Variants in IL1RAPL2 observed in about 807,000 individuals in gnomAD.
IL1RAPL2 encodes the protein interleukin 1 receptor accessory protein like 2, also known as X-linked interleukin-1 receptor accessory protein-like 2.
IL1RAPL2 carries 3 observed loss-of-function variants against 44.1 expected under a neutral mutation model. The ratio of observed to expected loss-of-function variants is 0.07; its 90% CI spans 0.03 to 0.18. The LOEUF (loss-of-function observed/expected upper bound fraction) is 0.18, where lower values mean the gene tolerates loss of function less well. IL1RAPL2 is among the 10% of genes least tolerant of loss of function. The pLI is 1.00. For missense variants in IL1RAPL2, 391 were observed against 496.4 expected (o/e 0.79, Z 2.02); for synonymous variants, 181 against 178.8 (o/e 1.01, Z -0.10).
intron 6 of IL1RAPL2, among the ~76,000 whole-genome samples, chrX:105,547,111 A>G (rs754668198): frequency 7.1e-5 from 8 of 112,453 alleles, no homozygotes; most frequent in Non-Finnish European, 1.1e-4. Flanking sequence ...AGAACAGGCC[A>G]TGAGGCAGAT....
chrX:105,183,759 A>G (rs1384835294), intron 2 of IL1RAPL2, among the ~76,000 whole-genome samples: 1 of 111,654 alleles, frequency 9.0e-6, no homozygotes, highest in Non-Finnish European at 1.9e-5. Flanking sequence ...CCACACTGCC[A>G]GGCCCAGCTG....
intron 2 of IL1RAPL2, among the ~76,000 whole-genome samples, chrX:104,743,312 T>C (rs1398754657): frequency 1.2e-5 from 1 of 84,143 alleles, no homozygotes; most frequent in Non-Finnish European, 2.2e-5. Context: ...TGATTTTGGT[T>C]TCAAACTATT....
chrX:104,805,994 T>TA (rs1211852547), intron 2 of IL1RAPL2, among the ~76,000 whole-genome samples: 2 of 111,883 alleles, frequency 1.8e-5, no homozygotes, highest in Admixed American at 1.9e-4. Context: ...AGGGAGTTTT[T>TA]AAAAAATAGT....
chrX:105,668,895 T>C (rs988201187), intron 6 of IL1RAPL2, among the ~76,000 whole-genome samples: 2 of 111,613 alleles, frequency 1.8e-5, no homozygotes, highest in African/African-American at 6.5e-5. Flanking sequence ...AAGGATCATC[T>C]ACAGAACCAG....
At chrX:105,351,042 T>A (rs1247379003) in intron 5 of IL1RAPL2, among the ~76,000 whole-genome samples, 1 of 111,856 alleles carries the variant, frequency 8.9e-6, no homozygotes, top group African/African-American at 3.3e-5. Context: ...TCACTGGTCA[T>A]TAGAGAAATG....
At chrX:104,658,533 G>T (rs1291811359) in intron 1 of IL1RAPL2, among the ~76,000 whole-genome samples, 1 of 112,471 alleles carries the variant, frequency 8.9e-6, no homozygotes, top group African/African-American at 3.2e-5. Flanking sequence ...GTTAATGGAT[G>T]CAGCAAACCA....
At chrX:104,836,061 A>G (rs1398741450) in intron 2 of IL1RAPL2, among the ~76,000 whole-genome samples, 1 of 112,070 alleles carries the variant, frequency 8.9e-6, no homozygotes, top group Non-Finnish European at 1.9e-5. Flanking sequence ...CATGTGCACA[A>G]TGGAGTGCTA....
intron 1 of IL1RAPL2, among the ~76,000 whole-genome samples, chrX:104,643,886 A>T (rs983655797): frequency 3.6e-5 from 4 of 111,497 alleles, no homozygotes; most frequent in Admixed American, 9.5e-5. Flanking sequence ...TAGCTCACTA[A>T]GCCTCCGTTT....
chrX:105,158,105 G>T (rs1476841603), intron 2 of IL1RAPL2, among the ~76,000 whole-genome samples: 5 of 111,685 alleles, frequency 4.5e-5, no homozygotes, highest in African/African-American at 1.6e-4. Flanking sequence ...ACTCTGGGAG[G>T]CTGAGGCGGG....
chrX:104,885,476 C>G (rs1265352344), intron 2 of IL1RAPL2, among the ~76,000 whole-genome samples: 1 of 111,896 alleles, frequency 8.9e-6, no homozygotes, highest in African/African-American at 3.3e-5. Flanking sequence ...AATATACTCC[C>G]CTGTCACCCA....
At chrX:104,731,984 G>C (rs899208011) in intron 2 of IL1RAPL2, among the ~76,000 whole-genome samples, 5 of 112,064 alleles carry the variant, frequency 4.5e-5, no homozygotes, top group African/African-American at 1.6e-4. Flanking sequence ...TGACCACACT[G>C]CAAAGAAGGT....
chrX:104,756,518 T>C (rs1196521145), intron 2 of IL1RAPL2, among the ~76,000 whole-genome samples: 1 of 110,899 alleles, frequency 9.0e-6, no homozygotes, highest in Non-Finnish European at 1.9e-5. Context: ...GTAAGTCTTT[T>C]TTTGTTCATT....
intron 6 of IL1RAPL2, among the ~76,000 whole-genome samples, chrX:105,560,411 T>TTTTA (rs1249504386): frequency 6.3e-5 from 7 of 111,218 alleles, no homozygotes; most frequent in African/African-American, 9.8e-5. Flanking sequence ...CATGTAGGGT[T>TTTTA]TTTATTTATT....
At chrX:104,810,459 A>AT (rs1569318765) in intron 2 of IL1RAPL2, among the ~76,000 whole-genome samples, 1 of 111,393 alleles carries the variant, frequency 9.0e-6, no homozygotes, top group Non-Finnish European at 1.9e-5. Context: ...AATAATATGC[A>AT]TTATTTTTGA....
chrX:104,643,279 A>G (rs2148016809), intron 1 of IL1RAPL2, among the ~76,000 whole-genome samples: 1 of 111,810 alleles, frequency 8.9e-6, no homozygotes, highest in South Asian at 3.7e-4. Context: ...ACATATTTGC[A>G]CGGACTTTTA....
intron 2 of IL1RAPL2, among the ~76,000 whole-genome samples, chrX:104,951,181 A>AT (rs1416455640): frequency 7.1e-5 from 8 of 111,981 alleles, no homozygotes; most frequent in Non-Finnish European, 1.5e-4. Context: ...AGCTGTTCCT[A>AT]TTTGGCCATC....
intron 5 of IL1RAPL2, among the ~76,000 whole-genome samples, chrX:105,288,262 C>T (rs1417676890): frequency 2.7e-5 from 3 of 110,615 alleles, no homozygotes; most frequent in Non-Finnish European, 5.7e-5. Context: ...CCTGATGTCA[C>T]TGGCTGATTT....
At chrX:105,423,192 T>C (rs2035785148) in intron 5 of IL1RAPL2, among the ~76,000 whole-genome samples, 1 of 111,772 alleles carries the variant, frequency 8.9e-6, no homozygotes, top group African/African-American at 3.3e-5. Context: ...GACAGTGTTT[T>C]CTGTATAATT....
At chrX:105,645,280 A>G (rs1235597928) in intron 6 of IL1RAPL2, among the ~76,000 whole-genome samples, 2 of 111,101 alleles carry the variant, frequency 1.8e-5, no homozygotes, top group Non-Finnish European at 3.8e-5. Flanking sequence ...GCTTTGTCCA[A>G]TGGGCCCAGC....
Sources: allele counts gnomAD v4.1 joint callset (sites outside exome capture counted in the v4.1 genomes callset), GRCh38; gene constraint gnomAD v4.1.1; transcripts MANE v1.5; gene names NCBI Gene and HGNC (gene_info 2026-07-23, HGNC 2026-07-21).